The following SHTN1 variants were observed in gnomAD, a reference collection of about 807,000 sequenced individuals.
The protein encoded by SHTN1 is shootin-1.
SHTN1 carries 42 observed loss-of-function variants against 83.1 expected under a neutral mutation model. That is an observed-to-expected ratio of 0.51 (90% CI 0.39 to 0.65). The LOEUF (loss-of-function observed/expected upper bound fraction) is 0.65, where lower values mean the gene tolerates loss of function less well. SHTN1 is among the 30% of genes least tolerant of loss of function. The pLI, the probability that SHTN1 is intolerant of heterozygous loss-of-function variation, is 0.00. For missense variants in SHTN1, 622 were observed against 737.8 expected (o/e 0.84, Z 1.82); for synonymous variants, 224 against 247.7 (o/e 0.90, Z 0.90).
At chr10:117,024,925 C>T (rs1381530588) in intron 2 of SHTN1, among the ~76,000 whole-genome samples, 1 of 152,024 alleles carries the variant, frequency 6.6e-6, no homozygotes, top group East Asian at 1.9e-4. Context: ...TTTCTGTATA[C>T]TTGAAAACTT....
At chr10:117,009,874 G>C (rs1271370860), upstream of SHTN1, among the ~76,000 whole-genome samples, 1 of 151,824 alleles carries the variant, frequency 6.6e-6, no homozygotes, top group African/African-American at 2.4e-5. Context: ...CTGCACTCCA[G>C]CCTGGGCGAC....
intron 11 of SHTN1, among the ~76,000 whole-genome samples, chr10:116,927,383 AG>A (rs1224026310): frequency 6.6e-6 from 1 of 152,194 alleles, no homozygotes; most frequent in Non-Finnish European, 1.5e-5. Flanking sequence ...TAAAGGAAAG[AG>A]GTTTAATTGA....
intron 16 of SHTN1, among the ~76,000 whole-genome samples, chr10:116,887,279 A>C (rs993453259): frequency 2.6e-5 from 4 of 152,158 alleles, no homozygotes; most frequent in African/African-American, 9.7e-5. Flanking sequence ...CTGCTGCAAG[A>C]AGCTATGGCT....
At chr10:116,901,269 G>A (rs1847724227) in intron 16 of SHTN1, 1 of 985,180 alleles carries the variant, frequency 1.0e-6, no homozygotes, top group African/African-American at 1.7e-5. Flanking sequence ...TCTGAAGCAA[G>A]TCTATACAGA....
chr10:116,893,576 G>GCACACACACACACACACACACACACA (rs6144113), intron 16 of SHTN1, among the ~76,000 whole-genome samples: 24,580 of 123,242 alleles, frequency 0.2, 3,330 homozygotes, highest in Non-Finnish European at 0.25. Flanking sequence ...GCACTCATGT[G>GCACACACACACACACACACACACACA]CACACACACA....
chr10:116,998,286 T>C (rs1373331492), intron 1 of SHTN1, among the ~76,000 whole-genome samples: 1 of 152,226 alleles, frequency 6.6e-6, no homozygotes, highest in African/African-American at 2.4e-5. Context: ...GGACATTGGA[T>C]GTTCTTTCCA....
intron 2 of SHTN1, among the ~76,000 whole-genome samples, chr10:117,041,297 C>T (rs1852580952): frequency 6.6e-6 from 1 of 152,062 alleles, no homozygotes; most frequent in Admixed American, 6.6e-5. Flanking sequence ...TACTGAAATG[C>T]CAAAGGAAAT....
intron 6 of SHTN1, among the ~76,000 whole-genome samples, chr10:116,950,339 A>T (rs1017381793): frequency 6.6e-6 from 1 of 151,968 alleles, no homozygotes; most frequent in Non-Finnish European, 1.5e-5. Context: ...TAATATTTTT[A>T]AAAATTTTTT....
At chr10:117,065,727 T>TGAAAGAAAGAAAGAAA (rs869310024) in intron 1 of SHTN1, among the ~76,000 whole-genome samples, 7 of 12,012 alleles carry the variant, frequency 5.8e-4, no homozygotes, top group Admixed American at 2.0e-3. Context: ...GAGAGAGAGA[T>TGAAAGAAAGAAAGAAA]GAAAGAAAGA....
chr10:117,062,892 T>C (rs1005178512), intron 1 of SHTN1, among the ~76,000 whole-genome samples: 5 of 152,094 alleles, frequency 3.3e-5, no homozygotes, highest in African/African-American at 1.2e-4. Flanking sequence ...TTAGAATTAT[T>C]TCTTCATTCA....
At chr10:116,976,404 G>A (rs143875720) in intron 2 of SHTN1, among the ~76,000 whole-genome samples, 2,944 of 152,250 alleles carry the variant, frequency 0.019, 36 homozygotes, top group Non-Finnish European at 0.03. Flanking sequence ...TAGTAGACAT[G>A]TGGAAGGAAA....
At chr10:117,047,299 T>A (rs1852678117) in intron 2 of SHTN1, among the ~76,000 whole-genome samples, 1 of 152,040 alleles carries the variant, frequency 6.6e-6, no homozygotes, top group South Asian at 2.1e-4. Flanking sequence ...ACTCCTGACC[T>A]CGTGATCCAC....
At chr10:116,957,910 A>C (rs1850041110) in intron 4 of SHTN1, among the ~76,000 whole-genome samples, 1 of 152,090 alleles carries the variant, frequency 6.6e-6, no homozygotes, top group African/African-American at 2.4e-5. Context: ...AAACACAGAA[A>C]TTAACTGGGT....
intron 3 of SHTN1, among the ~76,000 whole-genome samples, chr10:116,962,415 T>C (rs1850215191): frequency 6.6e-6 from 1 of 152,142 alleles, no homozygotes; most frequent in Non-Finnish European, 1.5e-5. Context: ...AAGAAACCTA[T>C]ACAATTTTTA....
intron 1 of SHTN1, among the ~76,000 whole-genome samples, chr10:117,106,708 C>A (rs1005273585): frequency 1.3e-5 from 2 of 152,176 alleles, no homozygotes; most frequent in African/African-American, 4.8e-5. Context: ...CTTTTCAAAC[C>A]TCACTTCTAC....
chr10:116,973,499 T>C (rs1167420189), intron 2 of SHTN1, among the ~76,000 whole-genome samples: 1 of 152,196 alleles, frequency 6.6e-6, no homozygotes, highest in African/African-American at 2.4e-5. Context: ...CTCTGAGAAC[T>C]GAACAAATTT....
At chr10:116,943,705 C>G (rs1849469012) in intron 8 of SHTN1, among the ~76,000 whole-genome samples, 1 of 152,228 alleles carries the variant, frequency 6.6e-6, no homozygotes, top group African/African-American at 2.4e-5. Flanking sequence ...AAGACCCCCA[C>G]AAAACCATCA....
At chr10:116,951,400 G>C (rs543251365) in intron 6 of SHTN1, among the ~76,000 whole-genome samples, 3 of 152,202 alleles carry the variant, frequency 2.0e-5, no homozygotes, top group Admixed American at 6.5e-5. Flanking sequence ...TCCAGCCTGA[G>C]TGTGACAGAG....
rs372967078 is a variant in SHTN1, at chr10:116,954,190, C to T, written c.288G>A (p.Thr96=). 137 of 1,605,766 alleles carry T rather than the reference C, an allele frequency of 8.5e-5. No individual in the cohort carries two copies. The highest frequency in any genetic ancestry group is 9.8e-5 in the Non-Finnish European group (115 of 1,177,150). Reference sequence around the variant, plus strand: ...TGTACAACATGCTGATTCTTTTCAACGTTTTATTTTCTTTATTTAGCTAAG... The same window carrying T: ...TGTACAACATGCTGATTCTTTTCAATGTTTTATTTTCTTTATTTAGCTAAG... ...LATKLNKENK[T]LKRISMLYMA... is the part of the protein sequence containing the mutation. The change falls in exon 5 of 17, where the codon ACG becomes ACA. Residue 96 remains threonine, a synonymous_variant. Transcript: ENST00000355371.
Sources: gnomAD v4.1 joint callset for allele counts (sites outside exome capture counted in the v4.1 genomes callset) on GRCh38, gnomAD v4.1.1 for gene constraint, MANE v1.5 for transcripts, NCBI Gene and HGNC (gene_info 2026-07-23, HGNC 2026-07-21) for gene names.